Variants in FRMD3 observed in about 807,000 individuals in gnomAD.
FRMD3 encodes FERM domain containing 3, also known as FERM domain-containing protein 3.
FRMD3 carries 33 observed loss-of-function variants against 70.2 expected under a neutral mutation model. That is an observed-to-expected ratio of 0.47 (90% CI 0.36 to 0.63). The LOEUF (loss-of-function observed/expected upper bound fraction) is 0.63. FRMD3 is among the 20% of genes least tolerant of loss of function. The pLI is 0.00. For missense variants in FRMD3, 632 were observed against 711.4 expected (o/e 0.89, Z 1.27); for synonymous variants, 279 against 255.9 (o/e 1.09, Z -0.86).
chr9:83,517,038 C>A (rs1012777907), intron 1 of FRMD3, among the ~76,000 whole-genome samples: 1 of 152,034 alleles, frequency 6.6e-6, no homozygotes, highest in Non-Finnish European at 1.5e-5. Flanking sequence ...AAAATTGTCA[C>A]CCTAACATCA....
chr9:83,296,568 A>G (rs1423243018), intron 12 of FRMD3, among the ~76,000 whole-genome samples: 4 of 152,206 alleles, frequency 2.6e-5, no homozygotes, highest in Non-Finnish European at 5.9e-5. Flanking sequence ...GATGCTGCAA[A>G]GAACCATGGA....
chr9:83,571,667 T>A, the FRMD3 span, among the ~76,000 whole-genome samples: 1 of 152,186 alleles, frequency 6.6e-6, no homozygotes, highest in Non-Finnish European at 1.5e-5. Flanking sequence ...AAGTCCACAC[T>A]GACATCTCTG....
At chr9:83,418,380 A>G (rs770372900) in intron 1 of FRMD3, among the ~76,000 whole-genome samples, 4 of 152,226 alleles carry the variant, frequency 2.6e-5, no homozygotes, top group Non-Finnish European at 5.9e-5. Context: ...TATGTATCCA[A>G]TGAAGGACTA....
At chr9:83,446,025 T>C (rs1827450132) in intron 1 of FRMD3, among the ~76,000 whole-genome samples, 1 of 152,168 alleles carries the variant, frequency 6.6e-6, no homozygotes, top group Admixed American at 6.5e-5. Context: ...TCCATAAATA[T>C]GAGAACTGTG....
intron 2 of FRMD3, among the ~76,000 whole-genome samples, chr9:83,380,012 A>G (rs1185059687): frequency 6.6e-6 from 1 of 152,128 alleles, no homozygotes; most frequent in Non-Finnish European, 1.5e-5. Flanking sequence ...ACACTTCCTA[A>G]CAAATCACTT....
At chr9:83,310,572 A>G (rs1266457816) in intron 8 of FRMD3, 24 bp from the exon 9 acceptor site, 2 of 1,572,138 alleles carry the variant, frequency 1.3e-6, no homozygotes, top group Non-Finnish European at 1.7e-6. Context: ...ATCTCTGGGT[A>G]AGAAGAAAAA....
chr9:83,387,003 T>C (rs1023557847), intron 2 of FRMD3, among the ~76,000 whole-genome samples: 2 of 152,180 alleles, frequency 1.3e-5, no homozygotes, highest in African/African-American at 4.8e-5. Context: ...TTACTGGTGA[T>C]GTTAATCTTG....
At chr9:83,491,353 T>G (rs1828820138) in intron 1 of FRMD3, among the ~76,000 whole-genome samples, 1 of 152,180 alleles carries the variant, frequency 6.6e-6, no homozygotes, top group African/African-American at 2.4e-5. Context: ...AAAACAGTGC[T>G]TGCCGAGTTT....
At chr9:83,456,139 C>A (rs1425343527) in intron 1 of FRMD3, among the ~76,000 whole-genome samples, 2 of 152,082 alleles carry the variant, frequency 1.3e-5, no homozygotes, top group Non-Finnish European at 2.9e-5. Context: ...AGACAAGCAA[C>A]CATGAATATA....
intron 3 of FRMD3, among the ~76,000 whole-genome samples, chr9:83,351,522 A>G (rs2131189923): frequency 6.6e-6 from 1 of 152,316 alleles, no homozygotes; most frequent in African/African-American, 2.4e-5. Flanking sequence ...AGCAAAGAAA[A>G]AGCTTAGAAA....
At chr9:83,473,369 C>T (rs1462194487) in intron 1 of FRMD3, among the ~76,000 whole-genome samples, 1 of 152,226 alleles carries the variant, frequency 6.6e-6, no homozygotes, top group Non-Finnish European at 1.5e-5. Flanking sequence ...GTCCAGTCCT[C>T]CCCTCACCTA....
intron 1 of FRMD3, among the ~76,000 whole-genome samples, chr9:83,489,039 T>C (rs35632982): frequency 0.16 from 23,287 of 149,896 alleles, 2,104 homozygotes; most frequent in East Asian, 0.33. Context: ...CACCTACACA[T>C]GTGTGTATGT....
chr9:83,284,058 G>GTTTTTTTTTTTTTTTTTTTTTTTTTTTT (rs1563993854), intron 13 of FRMD3, among the ~76,000 whole-genome samples: 2 of 79,318 alleles, frequency 2.5e-5, no homozygotes, highest in African/African-American at 9.4e-5. Context: ...AAGCTAGGAT[G>GTTTTTTTTTTTTTTTTTTTTTTTTTTTT]TTATTTTTTT....
At chr9:83,261,735 C>T (rs1439221764) in intron 13 of FRMD3, among the ~76,000 whole-genome samples, 1 of 152,112 alleles carries the variant, frequency 6.6e-6, no homozygotes, top group East Asian at 1.9e-4. Flanking sequence ...CCATGGTCAG[C>T]TAAGTTTGGG....
At chr9:83,416,795 CTCTCTCTT>C (rs1826469845) in intron 1 of FRMD3, among the ~76,000 whole-genome samples, 1 of 150,024 alleles carries the variant, frequency 6.7e-6, no homozygotes, top group Admixed American at 6.6e-5. Context: ...CTCACTCTCT[CTCTCTCTT>C]ACTCTTTCAC....
chr9:83,531,349 T>C (rs773100150), intron 1 of FRMD3, among the ~76,000 whole-genome samples: 8 of 152,238 alleles, frequency 5.3e-5, no homozygotes, highest in Non-Finnish European at 8.8e-5. Flanking sequence ...GCTAATATTA[T>C]TGTATTCTCC....
At chr9:83,571,849 G>C in the FRMD3 span, among the ~76,000 whole-genome samples, 1 of 152,188 alleles carries the variant, frequency 6.6e-6, no homozygotes, top group African/African-American at 2.4e-5. Context: ...GTGTTTCAAA[G>C]AGAATGAGAG....
intron 13 of FRMD3, among the ~76,000 whole-genome samples, chr9:83,265,497 T>C (rs1833216910): frequency 6.6e-6 from 1 of 151,468 alleles, no homozygotes; most frequent in African/African-American, 2.4e-5. Context: ...TTAACATTTG[T>C]AAAATATAAA....
chr9:83,393,184 C>T (rs1825715447), intron 1 of FRMD3, among the ~76,000 whole-genome samples: 1 of 152,188 alleles, frequency 6.6e-6, no homozygotes, highest in African/African-American at 2.4e-5. Context: ...AACTACACAA[C>T]TTAACTTGTG....
Sources: gnomAD v4.1 joint callset for allele counts (sites outside exome capture counted in the v4.1 genomes callset) on GRCh38, gnomAD v4.1.1 for gene constraint, MANE v1.5 for transcripts, NCBI Gene and HGNC (gene_info 2026-07-23, HGNC 2026-07-21) for gene names.